The following ACAD11 variants were observed in gnomAD, a reference collection of about 807,000 sequenced individuals.
The protein encoded by ACAD11 is acyl-Coenzyme A dehydrogenase family, member 11.
A neutral mutation model predicts 102.2 loss-of-function variants in ACAD11; 83 were observed. The ratio of observed to expected loss-of-function variants is 0.81; its 90% CI spans 0.68 to 0.97. The LOEUF (loss-of-function observed/expected upper bound fraction) is 0.97. ACAD11 is among the 50% of genes least tolerant of loss of function. The pLI is 0.00. For missense variants in ACAD11, 901 were observed against 951.7 expected (o/e 0.95, Z 0.70); for synonymous variants, 324 against 319.8 (o/e 1.01, Z -0.14).
chr3:132,608,036 A>G (rs1576585121), intron 11 of ACAD11, among the ~76,000 whole-genome samples: 1 of 152,224 alleles, frequency 6.6e-6, no homozygotes, highest in Non-Finnish European at 1.5e-5. Flanking sequence ...TTCATAAGCG[A>G]AGGAAAAATA....
intron 18 of ACAD11, 130 bp from the exon 19 acceptor site, chr3:132,560,072 A>G (rs984222997): frequency 1.6e-5 from 11 of 668,268 alleles, no homozygotes; most frequent in Admixed American, 2.8e-5. Context: ...AACAAAAGCC[A>G]ACAAAGAGAT....
At chr3:132,626,444 G>A (rs1257259501) in intron 9 of ACAD11, among the ~76,000 whole-genome samples, 1 of 150,648 alleles carries the variant, frequency 6.6e-6, no homozygotes, top group Non-Finnish European at 1.5e-5. Flanking sequence ...CCAAAGTAGT[G>A]TTTTACTCTA....
intron 17 of ACAD11, among the ~76,000 whole-genome samples, chr3:132,565,408 G>T (rs1937182678): frequency 6.6e-6 from 1 of 152,136 alleles, no homozygotes; most frequent in Non-Finnish European, 1.5e-5. Context: ...GCTGGGAGGG[G>T]AACCTGGACT....
chr3:132,591,964 A>G (rs1250918277), intron 13 of ACAD11, among the ~76,000 whole-genome samples: 1 of 152,110 alleles, frequency 6.6e-6, no homozygotes, highest in Non-Finnish European at 1.5e-5. Flanking sequence ...ATACCAGGTA[A>G]ATTTTGAAGA....
intron 5 of ACAD11, among the ~76,000 whole-genome samples, chr3:132,638,933 A>G (rs1940376592): frequency 6.6e-6 from 1 of 152,164 alleles, no homozygotes; most frequent in East Asian, 1.9e-4. Flanking sequence ...CCTAGGCCTC[A>G]TTGTAGGTGC....
intron 17 of ACAD11, among the ~76,000 whole-genome samples, chr3:132,571,483 G>A (rs572456629): frequency 5.9e-5 from 9 of 151,614 alleles, no homozygotes; most frequent in African/African-American, 1.2e-4. Flanking sequence ...TTCTTTTGCC[G>A]TGCAGAAGCT....
intron 3 of ACAD11, 152 bp from the exon 4 acceptor site, chr3:132,642,285 T>C (rs975051349): frequency 1.4e-6 from 1 of 734,156 alleles, no homozygotes. Context: ...AATATAAACA[T>C]CAAAACTACT....
Position 132,592,871 on chromosome 3 carries a change from T to C in ACAD11, c.1621+10358A>G, listed in dbSNP as rs1390217001. ...AAATCCCATGTGTTCTCTTAGAGTGTGTGTTATTTTTAACAGGGAAATCTT... is the reference window on the plus strand; with the variant it reads ...AAATCCCATGTGTTCTCTTAGAGTGCGTGTTATTTTTAACAGGGAAATCTT... On this transcript the variant is annotated intron_variant, in intron 13 of 19. Transcript: ENST00000264990. Among the ~76,000 whole-genome samples the C allele has an allele frequency of 2.0e-5, 3 of 152,290 alleles. No individual in the cohort carries two copies. The South Asian group carries it at 6.2e-4, about 32-fold the overall frequency.
At chr3:132,618,813 C>G in intron 10 of ACAD11, 41 bp from the exon 11 acceptor site, 1 of 1,485,664 alleles carries the variant, frequency 6.7e-7, no homozygotes. Context: ...CATAATTTAC[C>G]AGGACTCACA....
At chr3:132,630,386 A>G (rs774184225) in intron 7 of ACAD11, 51 bp downstream of exon 7, 1 of 1,558,320 alleles carries the variant, frequency 6.4e-7, no homozygotes, top group South Asian at 1.2e-5. Context: ...AACATTGTCA[A>G]CAGTACACTG....
At chr3:132,635,211 A>G (rs1211416821) in intron 5 of ACAD11, among the ~76,000 whole-genome samples, 1 of 152,092 alleles carries the variant, frequency 6.6e-6, no homozygotes, top group African/African-American at 2.4e-5. Context: ...TGAGGTCCAG[A>G]GAGGGGAACC....
rs1939996531 is a variant in ACAD11, at chr3:132,630,531, G to A, written c.869C>T (p.Ser290Leu). 5 of 1,611,690 alleles carry A rather than the reference G, an allele frequency of 3.1e-6. No individual in the cohort carries two copies. The highest frequency in any genetic ancestry group is 4.2e-6 in the Non-Finnish European group (5 of 1,178,856). The change falls in exon 7 of 20, where the codon TCA becomes TTA. Residue 290 changes from serine to leucine, a missense_variant. By Grantham distance (145) the Ser-to-Leu change is moderately radical. Coordinates refer to ENST00000264990, the MANE Select transcript of ACAD11 (RefSeq NM_032169.5). ...AATTCCCCTGCAGCGGCAATATATTGAAATCAGTTCTTCCATTGATGGTAT... is the reference window on the plus strand; with the variant it reads ...AATTCCCCTGCAGCGGCAATATATTAAAATCAGTTCTTCCATTGATGGTAT... ...SGIPSMEELISIYCRCRGINS... is the reference protein window; with the variant it reads ...SGIPSMEELILIYCRCRGINS...
chr3:132,655,539 G>C (rs182792729), intron 1 of ACAD11, among the ~76,000 whole-genome samples: 51 of 152,242 alleles, frequency 3.3e-4, no homozygotes, highest in African/African-American at 1.2e-3. Context: ...CCTCTGTCTG[G>C]AACACTCTTT....
intron 13 of ACAD11, among the ~76,000 whole-genome samples, chr3:132,592,463 A>C (rs1385665768): frequency 6.6e-6 from 1 of 152,194 alleles, no homozygotes; most frequent in Non-Finnish European, 1.5e-5. Flanking sequence ...TTCAAGTGCC[A>C]GGATTAAGTC....
intron 13 of ACAD11, chr3:132,600,580 G>T: frequency 1.2e-6 from 2 of 1,613,906 alleles, no homozygotes; most frequent in South Asian, 1.1e-5. Flanking sequence ...GCAATTCCAT[G>T]GTAGTGGCAA....
Position 132,642,029 on chromosome 3 carries a change from A to G in ACAD11, c.480T>C (p.Asn160=). ...ATCCTTCCAGCTGCAGTGACTGTAT[A>G]TTCAAGGAATGTAACTGAGCCAATG... ...VETLAQLHSL[N]IQSLQLEGYG... is the part of the protein sequence containing the mutation. Residue 160 remains asparagine, a synonymous_variant, in exon 4 of 20, where the codon AAT becomes AAC. Coordinates refer to ENST00000264990, the MANE Select transcript of ACAD11 (RefSeq NM_032169.5). 6.2e-7 allele frequency: 1 copy of G among 1,614,052 alleles called. No individual in the cohort carries two copies.
chr3:132,608,294 T>C (rs1284011760), intron 11 of ACAD11, among the ~76,000 whole-genome samples: 1 of 152,122 alleles, frequency 6.6e-6, no homozygotes, highest in Non-Finnish European at 1.5e-5. Context: ...TAAATGTAAA[T>C]GGGTTAAATG....
At chr3:132,606,761 G>A (rs1938856805) in intron 11 of ACAD11, among the ~76,000 whole-genome samples, 1 of 152,236 alleles carries the variant, frequency 6.6e-6, no homozygotes, top group Admixed American at 6.5e-5. Context: ...GGATCTCCCA[G>A]CACAGTGCTT....
At chr3:132,615,369 T>C (rs556847421) in intron 11 of ACAD11, among the ~76,000 whole-genome samples, 3 of 152,314 alleles carry the variant, frequency 2.0e-5, no homozygotes, top group African/African-American at 7.2e-5. Context: ...TAAAGACACA[T>C]GCACATGTAT....
Sources: allele counts gnomAD v4.1 joint callset (sites outside exome capture counted in the v4.1 genomes callset), GRCh38; gene constraint gnomAD v4.1.1; transcripts MANE v1.5; gene names NCBI Gene and HGNC (gene_info 2026-07-23, HGNC 2026-07-21).